IRAK1BP1: variants seen among roughly 807,000 people sequenced by gnomAD.
The protein encoded by IRAK1BP1 is interleukin 1 receptor associated kinase 1 binding protein 1, also known as interleukin-1 receptor-associated kinase 1-binding protein 1.
A neutral mutation model predicts 28.0 loss-of-function variants in IRAK1BP1; 24 were observed. That is an observed-to-expected ratio of 0.86 (90% CI 0.62 to 1.20). IRAK1BP1 has a LOEUF of 1.20. Ranked by LOEUF, IRAK1BP1 falls within the 50% of genes most tolerant of loss-of-function variation. IRAK1BP1 has a pLI of 0.00. For synonymous variants in IRAK1BP1, 131 were observed against 116.3 expected (o/e 1.13, Z -0.81); for missense variants, 336 against 316.7 (o/e 1.06, Z -0.46).
chr6:78,935,701 T>A, intron 4 of IRAK1BP1: 1 of 985,188 alleles, frequency 1.0e-6, no homozygotes, highest in Non-Finnish European at 1.2e-6. Context: ...TTTCACACTT[T>A]GCAAAACACA....
At chr6:78,922,678 G>T (rs540117889) in intron 4 of IRAK1BP1, among the ~76,000 whole-genome samples, 7 of 152,304 alleles carry the variant, frequency 4.6e-5, no homozygotes, top group Admixed American at 4.6e-4. Context: ...AGAGAGAAAG[G>T]TCGGGTTACC....
In IRAK1BP1 at chr6:78,913,729, G is replaced by A. The variant is rs190601009; in HGVS notation, c.*67+10619G>A. On this transcript the variant is annotated intron_variant and NMD_transcript_variant, in intron 4 of 4. Coordinates refer to the IRAK1BP1 transcript ENST00000606868. Reference sequence around the variant, plus strand: ...AGTGATGAGAGTGAACTAATTAATGGCTATTTACAGTGAAACCTCTACTTT... The same window carrying A: ...AGTGATGAGAGTGAACTAATTAATGACTATTTACAGTGAAACCTCTACTTT... Among the ~76,000 whole-genome samples the A allele has an allele frequency of 6.4e-4, 98 of 152,216 alleles. 1 individual carries two copies. In the South Asian group the frequency reaches 8.1e-3, roughly 13 times the overall value.
the IRAK1BP1 span, among the ~76,000 whole-genome samples, chr6:78,967,245 G>A: frequency 3.9e-4 from 59 of 152,296 alleles, no homozygotes; most frequent in Non-Finnish European, 6.8e-4. Flanking sequence ...ACAACTGCAT[G>A]CTGTTGACAG....
chr6:78,889,138 AG>A (rs1771538865), intron 2 of IRAK1BP1, among the ~76,000 whole-genome samples: 2 of 149,200 alleles, frequency 1.3e-5, no homozygotes, highest in Non-Finnish European at 3.0e-5. Flanking sequence ...AAAAAAAGAA[AG>A]AAAGAAAGAT....
Position 78,946,145 on chromosome 6 carries a change from C to T in IRAK1BP1, c.*805C>T, listed in dbSNP as rs144832938. 5.0e-6 allele frequency: 8 copies of T among 1,614,004 alleles called. No individual in the cohort carries two copies. In the East Asian group the frequency reaches 1.1e-4, roughly 22 times the overall value. Reference sequence around the variant, plus strand: ...ACCACAGAACTAGATTCTGTTTTACCGTTTATCTGAGCAGCATTGTGTCTT... The same window carrying T: ...ACCACAGAACTAGATTCTGTTTTACTGTTTATCTGAGCAGCATTGTGTCTT... On this transcript the variant is annotated 3_prime_UTR_variant and NMD_transcript_variant, in exon 5 of 5. Transcript: ENST00000606868.
At position 78,924,720 on chromosome 6, in the gene IRAK1BP1, A is replaced by G. The variant is rs914510337; in HGVS notation, c.*68-20688A>G. 5.9e-5 allele frequency among the ~76,000 whole-genome samples: 9 copies of G among 152,314 alleles called. No individual in the cohort carries two copies. In the South Asian group the frequency reaches 6.2e-4, roughly 11 times the overall value. On this transcript the variant is annotated intron_variant and NMD_transcript_variant, in intron 4 of 4. Transcript: ENST00000606868. ...CAGCACATCAAAAAGCTTATCCACC[A>G]TGATCAAGTGGGCTTCATCCCTGGG...
At chr6:78,939,044 C>T (rs1238736469) in intron 4 of IRAK1BP1, 3 of 151,510 alleles carry the variant, frequency 2.0e-5, no homozygotes, top group African/African-American at 7.3e-5. Context: ...CATTTTTGTA[C>T]CATACCAGTC....
At chr6:78,931,741 A>T in intron 4 of IRAK1BP1, among the ~76,000 whole-genome samples, 1 of 152,198 alleles carries the variant, frequency 6.6e-6, no homozygotes, top group East Asian at 1.9e-4. Context: ...AGAAAGTCAG[A>T]ATCTTTTTCT....
chr6:78,874,265 C>T (rs1331307448), intron 1 of IRAK1BP1, among the ~76,000 whole-genome samples: 1 of 152,174 alleles, frequency 6.6e-6, no homozygotes, highest in East Asian at 1.9e-4. Flanking sequence ...ATCTTTTAAC[C>T]TAATCCTATA....
the IRAK1BP1 span, among the ~76,000 whole-genome samples, chr6:78,973,967 C>T: frequency 8.1e-4 from 123 of 152,064 alleles, no homozygotes; most frequent in African/African-American, 2.1e-3. Flanking sequence ...GACAGATCAA[C>T]GAGACAGAAA....
At chr6:78,876,675 C>T (rs1486649852) in intron 1 of IRAK1BP1, among the ~76,000 whole-genome samples, 1 of 152,130 alleles carries the variant, frequency 6.6e-6, no homozygotes, top group African/African-American at 2.4e-5. Flanking sequence ...CCAGCATGTC[C>T]TCCTTTACCT....
intron 4 of IRAK1BP1, among the ~76,000 whole-genome samples, chr6:78,917,153 G>T (rs185870896): frequency 1.1e-4 from 17 of 151,918 alleles, no homozygotes; most frequent in African/African-American, 2.4e-4. Context: ...CCAAGACAAG[G>T]TTGAAAATAA....
At chr6:78,977,749 C>A in the IRAK1BP1 span, among the ~76,000 whole-genome samples, 3 of 152,252 alleles carry the variant, frequency 2.0e-5, no homozygotes, top group South Asian at 6.2e-4. Context: ...TACTATATCA[C>A]AACAATGTGG....
the IRAK1BP1 span, chr6:78,965,733 G>T: frequency 6.3e-7 from 1 of 1,576,168 alleles, no homozygotes; most frequent in South Asian, 1.1e-5. Context: ...ATATCCCAAG[G>T]ACTCATCTTT....
At chr6:78,968,952 T>G in the IRAK1BP1 span, among the ~76,000 whole-genome samples, 3 of 152,344 alleles carry the variant, frequency 2.0e-5, no homozygotes, top group Middle Eastern at 6.8e-3. Flanking sequence ...TCCTGAGGCT[T>G]CTACTGAATA....
chr6:78,873,254 C>CAA (rs35962544), intron 1 of IRAK1BP1, among the ~76,000 whole-genome samples: 18,976 of 40,990 alleles, frequency 0.46, 7,237 homozygotes, highest in East Asian at 0.7. Context: ...AACTCTGTCT[C>CAA]AAAAAAAAAA....
intron 1 of IRAK1BP1, among the ~76,000 whole-genome samples, chr6:78,870,750 G>T (rs757881745): frequency 4.6e-5 from 7 of 151,292 alleles, no homozygotes; most frequent in Non-Finnish European, 7.4e-5. Context: ...CGCTTTTGTC[G>T]CCCAGGCTGG....
At chr6:78,878,183 CA>C (rs1771082028) in intron 1 of IRAK1BP1, among the ~76,000 whole-genome samples, 1 of 152,182 alleles carries the variant, frequency 6.6e-6, no homozygotes, top group African/African-American at 2.4e-5. Context: ...TGAGAACGGA[CA>C]GACTGCCTCC....
chr6:78,867,585 G>A lies in IRAK1BP1; in HGVS notation c.9G>A (p.Leu3=), dbSNP rs1352149199. The A allele has an allele frequency of 1.2e-6, 2 of 1,613,686 alleles. No individual in the cohort carries two copies. Among genetic ancestry groups the A allele is most frequent in the African/African-American group, 1.3e-5 (1 of 75,052 alleles). The change falls in exon 1 of 4, where the codon CTG becomes CTA. Residue 3 remains leucine, a synonymous_variant. Coordinates refer to ENST00000369940, the MANE Select transcript of IRAK1BP1 (RefSeq NM_001010844.4). MS[L]QKTPPTRVFV... is the part of the protein sequence containing the mutation. ...ACCCAGCTGCCATCGCTATGTCTCT[G>A]CAAAAGACCCCTCCGACCCGAGTGT...
Sources: gnomAD v4.1 joint callset for allele counts (sites outside exome capture counted in the v4.1 genomes callset) on GRCh38, gnomAD v4.1.1 for gene constraint, MANE v1.5 for transcripts, NCBI Gene and HGNC (gene_info 2026-07-23, HGNC 2026-07-21) for gene names.